NSMCE2: variants seen among roughly 807,000 people sequenced by gnomAD.
NSMCE2 encodes the protein NSE2 SUMO ligase component of SMC5/6 complex.
In NSMCE2, 24 loss-of-function variants were observed where a neutral mutation model predicts 23.8. That is an observed-to-expected ratio of 1.01 (90% CI 0.73 to 1.42). The LOEUF is 1.42. NSMCE2 is among the 40% of genes most tolerant of loss of function. NSMCE2 has a pLI of 0.00. For missense variants in NSMCE2, 284 were observed against 296.5 expected, an observed-to-expected ratio of 0.96 and a Z score of 0.31; for synonymous variants, 92 against 94.1, an observed-to-expected ratio of 0.98 and a Z score of 0.13.
At chr8:125,364,048 A>G (rs1224594713) in intron 7 of NSMCE2, among the ~76,000 whole-genome samples, 1 of 151,826 alleles carries the variant, frequency 6.6e-6, no homozygotes, top group East Asian at 1.9e-4. Flanking sequence ...GATTCAAGTG[A>G]TTTTCCTGCC....
At chr8:125,243,493 TAA>T (rs1309303643) in intron 5 of NSMCE2, among the ~76,000 whole-genome samples, 116 of 134,854 alleles carry the variant, frequency 8.6e-4, no homozygotes, top group African/African-American at 3.8e-3. Context: ...GCAAAAATAA[TAA>T]TTTTTTAAAA....
intron 3 of NSMCE2, among the ~76,000 whole-genome samples, chr8:125,103,757 C>T (rs192743230): frequency 6.6e-6 from 1 of 152,110 alleles, no homozygotes; most frequent in East Asian, 1.9e-4. Context: ...TCTGATAATT[C>T]CATTTAGTGA....
intron 3 of NSMCE2, among the ~76,000 whole-genome samples, chr8:125,138,501 C>A (rs538583547): frequency 1.1e-3 from 170 of 152,170 alleles, no homozygotes; most frequent in South Asian, 2.1e-3. Flanking sequence ...GCTGGGATTA[C>A]AGATGTGAGC....
intron 3 of NSMCE2, among the ~76,000 whole-genome samples, chr8:125,129,239 T>C (rs1366169354): frequency 6.6e-6 from 1 of 151,844 alleles, no homozygotes; most frequent in Non-Finnish European, 1.5e-5. Flanking sequence ...TTGCAGGTAG[T>C]GAGATTGAGA....
chr8:125,307,133 T>C (rs1185218399), intron 5 of NSMCE2, among the ~76,000 whole-genome samples: 1 of 152,212 alleles, frequency 6.6e-6, no homozygotes, highest in East Asian at 1.9e-4. Flanking sequence ...TCCTCTCTTT[T>C]AACATTGTGG....
intron 5 of NSMCE2, among the ~76,000 whole-genome samples, chr8:125,219,794 C>T (rs1280274994): frequency 1.1e-4 from 17 of 152,288 alleles, no homozygotes. Flanking sequence ...GAAAACACCA[C>T]ACCAACTGAA....
chr8:125,317,205 T>A (rs2131256181), intron 5 of NSMCE2, among the ~76,000 whole-genome samples: 1 of 152,112 alleles, frequency 6.6e-6, no homozygotes, highest in East Asian at 1.9e-4. Context: ...GATCTTTTTT[T>A]TTTTTTATTG....
At chr8:125,102,987 G>A (rs1288584893) in intron 3 of NSMCE2, among the ~76,000 whole-genome samples, 1 of 152,158 alleles carries the variant, frequency 6.6e-6, no homozygotes, top group Non-Finnish European at 1.5e-5. Context: ...TGATTTGCAG[G>A]CCGGGTGCAG....
rs1041758901 is a variant in NSMCE2, at chr8:125,164,837, G to C, written c.264+13560G>C. On this transcript the variant is annotated intron_variant, in intron 4 of 7. Coordinates refer to ENST00000287437, the MANE Select transcript of NSMCE2 (RefSeq NM_173685.4). ...TCAGTTCTTACCATAATAATAGCAAGCCTAGCTAACATGTCTCCAGTGCTT... is the reference window on the plus strand; with the variant it reads ...TCAGTTCTTACCATAATAATAGCAACCCTAGCTAACATGTCTCCAGTGCTT... Among the ~76,000 whole-genome samples, 6 of 152,100 alleles carry C rather than the reference G, an allele frequency of 3.9e-5. No individual in the cohort carries two copies. In the East Asian group the frequency reaches 1.2e-3, roughly 29 times the overall value.
At chr8:125,139,097 A>G (rs1820221467) in intron 3 of NSMCE2, among the ~76,000 whole-genome samples, 1 of 152,226 alleles carries the variant, frequency 6.6e-6, no homozygotes, top group African/African-American at 2.4e-5. Flanking sequence ...ACTCTAATAA[A>G]TGGAACTGTT....
chr8:125,366,346 C>G (rs1257911613), intron 7 of NSMCE2, among the ~76,000 whole-genome samples: 2 of 152,192 alleles, frequency 1.3e-5, no homozygotes, highest in African/African-American at 4.8e-5. Flanking sequence ...CGAGACCATC[C>G]TGGCTAACAC....
intron 5 of NSMCE2, among the ~76,000 whole-genome samples, chr8:125,213,707 C>CCCTCCCTTCCTTCCTTTTTT (rs1824455986): frequency 8.1e-6 from 1 of 123,330 alleles, no homozygotes; most frequent in African/African-American, 3.4e-5. Flanking sequence ...TTCCCTCCCT[C>CCCTCCCTTCCTTCCTTTTTT]CCTTCCTTCC....
chr8:125,357,902 C>CT lies in NSMCE2; in HGVS notation c.626+86dup, dbSNP rs1813354727. On this transcript the variant is annotated intron_variant, in intron 7 of 7. Coordinates refer to ENST00000287437, the MANE Select transcript of NSMCE2 (RefSeq NM_173685.4). ...CGTGTTCACGCTAGAGGAAGAGGCACTTCAATGTCTCTTCTAAATTCCGTT... is the reference window on the plus strand; with the variant it reads ...CGTGTTCACGCTAGAGGAAGAGGCACTTTCAATGTCTCTTCTAAATTCCGTT... 1.6e-5 allele frequency: 14 copies of CT among 873,924 alleles called. No individual in the cohort carries two copies. In the Admixed American group the frequency reaches 3.0e-4, roughly 19 times the overall value. The allele number at this position is 873,924 out of a possible 1,614,324, so 54.1% of individuals were successfully genotyped here.
At chr8:125,186,130 T>A (rs1294678706) in intron 5 of NSMCE2, among the ~76,000 whole-genome samples, 1 of 152,178 alleles carries the variant, frequency 6.6e-6, no homozygotes, top group African/African-American at 2.4e-5. Context: ...GAGAAAAAAA[T>A]CAAAAGGGGA....
chr8:125,305,645 C>A (rs1001736989), intron 5 of NSMCE2, among the ~76,000 whole-genome samples: 3 of 152,116 alleles, frequency 2.0e-5, no homozygotes, highest in African/African-American at 7.2e-5. Context: ...GAGAAACAGA[C>A]CCTCAGTAAA....
At chr8:125,357,056 C>T (rs1489696128) in intron 5 of NSMCE2, among the ~76,000 whole-genome samples, 163 bp from the exon 6 acceptor site, 3 of 152,124 alleles carry the variant, frequency 2.0e-5, no homozygotes, top group Non-Finnish European at 4.4e-5. Context: ...TGAGGTACCC[C>T]GTAGTGTTCT....
At position 125,281,012 on chromosome 8, in the gene NSMCE2, C is replaced by G. The variant is rs147702129; in HGVS notation, c.419-76207C>G. On this transcript the variant is annotated intron_variant, in intron 5 of 7. Transcript: ENST00000287437. Reference sequence around the variant, plus strand: ...GAGGTTTTCAGGAAGAAAACTCTGCCTGCCTATCCAGAATGGGTCGGTGAA... The same window carrying G: ...GAGGTTTTCAGGAAGAAAACTCTGCGTGCCTATCCAGAATGGGTCGGTGAA... Among the ~76,000 whole-genome samples, 802 of 152,322 alleles carry G rather than the reference C, an allele frequency of 5.3e-3. 5 individuals are homozygous for G. The highest frequency in any genetic ancestry group is 0.019 in the African/African-American group (772 of 41,564).
At chr8:125,320,364 CTG>C (rs1451231874) in intron 5 of NSMCE2, among the ~76,000 whole-genome samples, 2 of 151,886 alleles carry the variant, frequency 1.3e-5, no homozygotes, top group Middle Eastern at 3.4e-3. Flanking sequence ...TTCATGAAAA[CTG>C]TGAACCCACA....
chr8:125,157,750 A>G (rs1376250882), intron 4 of NSMCE2, among the ~76,000 whole-genome samples: 1 of 152,174 alleles, frequency 6.6e-6, no homozygotes, highest in Non-Finnish European at 1.5e-5. Flanking sequence ...CCTCATAGAA[A>G]TCCATCATAG....
Sources: allele counts gnomAD v4.1 joint callset (sites outside exome capture counted in the v4.1 genomes callset), GRCh38; gene constraint gnomAD v4.1.1; transcripts MANE v1.5; gene names NCBI Gene and HGNC (gene_info 2026-07-23, HGNC 2026-07-21).